CPVL: variants seen among roughly 807,000 people sequenced by gnomAD.
The protein encoded by CPVL is probable serine carboxypeptidase CPVL.
In CPVL, 51 loss-of-function variants were observed where a neutral mutation model predicts 63.7. That is an observed-to-expected ratio of 0.80 (90% confidence interval 0.64 to 1.01). CPVL has a LOEUF of 1.01. Among genes scored for constraint, CPVL ranks in the 50% least tolerant of loss-of-function variants. The pLI is 0.00. For synonymous variants in CPVL, 195 were observed against 206.0 expected (o/e 0.95, Z 0.46); for missense variants, 530 against 573.1 (o/e 0.92, Z 0.77).
chr7:29,006,684 C>T lies in CPVL; in HGVS notation c.1321-10802G>A, dbSNP rs559991770. On this transcript the variant is annotated intron_variant, in intron 12 of 12. Transcript: ENST00000265394. Reference sequence around the variant, plus strand: ...ACAGCCTAAGGGAACCCCAGAACCCCTAAATGTCTCTAGGTTCTGGGAATT... The same window carrying T: ...ACAGCCTAAGGGAACCCCAGAACCCTTAAATGTCTCTAGGTTCTGGGAATT... Among the ~76,000 whole-genome samples, 97 of 152,240 alleles carry T rather than the reference C, an allele frequency of 6.4e-4. 2 individuals are homozygous for T. In the South Asian group the frequency reaches 0.011, roughly 17 times the overall value.
chr7:29,153,250 G>A (rs765782082), intron 5 of CPVL, among the ~76,000 whole-genome samples: 11 of 152,154 alleles, frequency 7.2e-5, no homozygotes, highest in Middle Eastern at 3.2e-3. Flanking sequence ...CTTGCCCCAA[G>A]CCTCCAAAGA....
chr7:29,119,390 G>A (rs1410469939), intron 2 of CPVL, among the ~76,000 whole-genome samples: 1 of 151,340 alleles, frequency 6.6e-6, no homozygotes, highest in Non-Finnish European at 1.5e-5. Flanking sequence ...AGGAGGCTGA[G>A]GCAGGAGAAT....
At chr7:29,077,138 A>G (rs1784319892) in intron 7 of CPVL, among the ~76,000 whole-genome samples, 1 of 152,248 alleles carries the variant, frequency 6.6e-6, no homozygotes, top group African/African-American at 2.4e-5. Context: ...AAGATTTCAT[A>G]GCTAAAGTCC....
intron 1 of CPVL, among the ~76,000 whole-genome samples, chr7:29,142,263 C>T (rs1210240773): frequency 6.6e-6 from 1 of 152,084 alleles, no homozygotes; most frequent in Non-Finnish European, 1.5e-5. Flanking sequence ...ATTTTTTGCT[C>T]CAAGGACTCC....
intron 12 of CPVL, among the ~76,000 whole-genome samples, chr7:29,001,881 C>A (rs1022589585): frequency 6.6e-6 from 1 of 152,208 alleles, no homozygotes; most frequent in Non-Finnish European, 1.5e-5. Context: ...AGGACTTCCA[C>A]TTCTGACTGT....
intron 1 of CPVL, among the ~76,000 whole-genome samples, chr7:29,141,243 G>C (rs918633729): frequency 1.3e-5 from 2 of 152,182 alleles, no homozygotes; most frequent in African/African-American, 4.8e-5. Context: ...GGTGGGAATA[G>C]CATGAAAGAT....
intron 1 of CPVL, among the ~76,000 whole-genome samples, chr7:29,140,359 G>A (rs552253472): frequency 6.6e-6 from 1 of 152,310 alleles, no homozygotes; most frequent in South Asian, 2.1e-4. Flanking sequence ...CAACTCTTCA[G>A]AGATTTTCTA....
chr7:29,167,657 A>G (rs547456091), intron 5 of CPVL, among the ~76,000 whole-genome samples: 2 of 152,310 alleles, frequency 1.3e-5, no homozygotes, highest in South Asian at 4.1e-4. Context: ...TTATTGCTCT[A>G]CATCTTCACC....
intron 11 of CPVL, among the ~76,000 whole-genome samples, chr7:29,047,920 G>C: frequency 6.6e-6 from 1 of 152,094 alleles, no homozygotes; most frequent in Non-Finnish European, 1.5e-5. Context: ...TATCAGCCAA[G>C]AATTTTGTAT....
chr7:29,121,170 T>C, intron 1 of CPVL, 99 bp from the exon 2 acceptor site: 3 of 1,219,920 alleles, frequency 2.5e-6, no homozygotes, highest in East Asian at 2.7e-5. Context: ...AAAAAAAATA[T>C]TGTGTGTAAA....
chr7:29,155,017 C>T (rs2128698872), intron 5 of CPVL, among the ~76,000 whole-genome samples: 1 of 152,212 alleles, frequency 6.6e-6, no homozygotes, highest in African/African-American at 2.4e-5. Flanking sequence ...GGTGCTTGTG[C>T]AGGGAAACTC....
chr7:29,055,912 C>A (rs1273386323), intron 11 of CPVL, among the ~76,000 whole-genome samples: 1 of 152,178 alleles, frequency 6.6e-6, no homozygotes, highest in Non-Finnish European at 1.5e-5. Flanking sequence ...ACAGAGTCTA[C>A]TTTACCAGTC....
At position 29,096,142 on chromosome 7, in the gene CPVL, C is replaced by T. The variant is rs1236361744; in HGVS notation, c.364G>A (p.Val122Met). 1 of 1,614,186 alleles carries T rather than the reference C, an allele frequency of 6.2e-7. No homozygotes were observed. Among genetic ancestry groups the T allele is most frequent in the Non-Finnish European group, 8.5e-7 (1 of 1,180,012 alleles). Residue 122 changes from valine (V) to methionine (M), a missense_variant, in exon 4 of 13, where the codon GTG (valine) becomes ATG (methionine). Val to Met is a conservative substitution (Grantham distance 21). Coordinates refer to ENST00000265394, the MANE Select transcript of CPVL (RefSeq NM_031311.5). ...PGGSSMFGLF[V>M]EHGPYVVTSN... The stretch of plus-strand genomic sequence containing the variant: ...GTGACAACATAAGGCCCATGTTCCA[C>T]AAAGAGTCCAAACATGGATGAACCT...
chr7:29,040,221 T>C (rs962873755), intron 11 of CPVL, among the ~76,000 whole-genome samples: 6 of 152,234 alleles, frequency 3.9e-5, no homozygotes, highest in Admixed American at 1.3e-4. Context: ...GGAGTTCTTT[T>C]GGACTGAAGC....
downstream of CPVL, among the ~76,000 whole-genome samples, chr7:28,994,848 G>A (rs1165610844): frequency 6.6e-6 from 1 of 151,456 alleles, no homozygotes; most frequent in East Asian, 1.9e-4. Context: ...AGAAGGAAGT[G>A]ATGTGGAAAA....
intron 1 of CPVL, among the ~76,000 whole-genome samples, chr7:29,189,461 C>T (rs1000667451): frequency 6.6e-6 from 1 of 152,082 alleles, no homozygotes; most frequent in African/African-American, 2.4e-5. Context: ...GAAAAACAAA[C>T]TCACTCCCTG....
At chr7:29,179,117 A>G (rs919138712) in intron 5 of CPVL, among the ~76,000 whole-genome samples, 1 of 152,150 alleles carries the variant, frequency 6.6e-6, no homozygotes, top group Admixed American at 6.5e-5. Context: ...TACAGTCCTC[A>G]TGGACCCTTT....
chr7:29,026,243 A>G (rs1051236209), intron 12 of CPVL, among the ~76,000 whole-genome samples: 1 of 152,182 alleles, frequency 6.6e-6, no homozygotes, highest in East Asian at 1.9e-4. Flanking sequence ...AGAAATCAAG[A>G]AGAAAATTTA....
chr7:29,122,654 T>G (rs908107601), intron 1 of CPVL: 1 of 147,302 alleles, frequency 6.8e-6, no homozygotes, highest in Admixed American at 6.8e-5. Context: ...TAAGGAAAAC[T>G]TGAATCAAAA....
Sources: gnomAD v4.1 joint callset for allele counts (sites outside exome capture counted in the v4.1 genomes callset) on GRCh38, gnomAD v4.1.1 for gene constraint, MANE v1.5 for transcripts, NCBI Gene and HGNC (gene_info 2026-07-23, HGNC 2026-07-21) for gene names.